UBASH3B: variants seen among roughly 807,000 people sequenced by gnomAD.
UBASH3B encodes the protein ubiquitin-associated and SH3 domain-containing protein B.
UBASH3B carries 37 observed loss-of-function variants against 83.4 expected under a neutral mutation model. That is an observed-to-expected ratio of 0.44 (90% confidence interval 0.34 to 0.58). UBASH3B has a LOEUF of 0.58. UBASH3B is among the 20% of genes least tolerant of loss of function. The probability of loss-of-function intolerance (pLI) is 0.01; values close to 1 mark genes in which losing one functional copy is unlikely to be tolerated. For synonymous variants in UBASH3B, 304 were observed against 318.3 expected (o/e 0.96, Z 0.48); for missense variants, 657 against 827.2 (o/e 0.79, Z 2.52).
At chr11:122,784,212 G>A (rs1389025972) in intron 5 of UBASH3B, among the ~76,000 whole-genome samples, 2 of 152,154 alleles carry the variant, frequency 1.3e-5, no homozygotes, top group African/African-American at 2.4e-5. Flanking sequence ...GGGATTACAA[G>A]CGTGAGCCGC....
In UBASH3B at chr11:122,665,622, C is replaced by A. The variant is rs148168656; in HGVS notation, c.161+9412C>A. 4.7e-3 allele frequency among the ~76,000 whole-genome samples: 720 copies of A among 152,296 alleles called. 8 individuals are homozygous for A. The highest frequency in any genetic ancestry group is 0.016 in the African/African-American group (678 of 41,566). On this transcript the variant is annotated intron_variant, in intron 1 of 13. Coordinates refer to ENST00000284273, the MANE Select transcript of UBASH3B (RefSeq NM_032873.5). ...TTTCACAGTGCTTTATGGTCAAATT[C>A]TTCTCCTCTCCCTTTAAAGAAAACT... is the stretch of plus-strand genomic sequence containing the variant.
chr11:122,689,719 G>T (rs1002229171), intron 1 of UBASH3B, among the ~76,000 whole-genome samples: 1 of 152,164 alleles, frequency 6.6e-6, no homozygotes, highest in Non-Finnish European at 1.5e-5. Flanking sequence ...CCAGTTGCAA[G>T]TCCAGGCTTC....
At chr11:122,656,390 C>G (rs1351115446) in intron 1 of UBASH3B, among the ~76,000 whole-genome samples, 180 bp downstream of exon 1, 1 of 151,982 alleles carries the variant, frequency 6.6e-6, no homozygotes, top group African/African-American at 2.4e-5. Flanking sequence ...GGCGGGGGTG[C>G]GGGGGAAGAC....
intron 5 of UBASH3B, among the ~76,000 whole-genome samples, chr11:122,784,043 C>T (rs1004119672): frequency 1.3e-5 from 2 of 151,648 alleles, no homozygotes; most frequent in Non-Finnish European, 2.9e-5. Flanking sequence ...GGGGTTCAAG[C>T]GATTCTCCTG....
At chr11:122,802,312 TG>T (rs1249707789) in intron 11 of UBASH3B, among the ~76,000 whole-genome samples, 1 of 79,582 alleles carries the variant, frequency 1.3e-5, no homozygotes, top group Non-Finnish European at 2.2e-5. Flanking sequence ...AGACTCTGTC[TG>T]AAAAAAAAAA....
chr11:122,712,617 C>T (rs1020513215), intron 1 of UBASH3B, among the ~76,000 whole-genome samples: 9 of 152,044 alleles, frequency 5.9e-5, no homozygotes, highest in Non-Finnish European at 1.0e-4. Flanking sequence ...GGAATTTCTA[C>T]CCCAGAAAGT....
intron 5 of UBASH3B, 57 bp from the exon 6 acceptor site, chr11:122,789,043 A>G (rs1861004572): frequency 2.0e-6 from 3 of 1,512,992 alleles, no homozygotes; most frequent in Non-Finnish European, 2.7e-6. Context: ...CCTGCCCTCA[A>G]GGCGCTCAGG....
chr11:122,704,203 C>T (rs747672876), intron 1 of UBASH3B, among the ~76,000 whole-genome samples: 8 of 152,206 alleles, frequency 5.3e-5, no homozygotes, highest in Admixed American at 1.3e-4. Flanking sequence ...GCCAGTTGAA[C>T]AGTCTAACTT....
rs1024694719 is a variant in UBASH3B at position 122,696,517 on chromosome 11, G to T, written c.161+40307G>T. Among the ~76,000 whole-genome samples, 8 of 152,016 alleles carry T rather than the reference G, an allele frequency of 5.3e-5. No homozygotes were observed. In the East Asian group the frequency reaches 1.4e-3, roughly 26 times the overall value. On this transcript the variant is annotated intron_variant, in intron 1 of 13. Coordinates refer to ENST00000284273, the MANE Select transcript of UBASH3B (RefSeq NM_032873.5). Reference sequence around the variant, plus strand: ...GTCGAGACAGGGTTTCACCATGTTGGCTAGGCTGGTCTCAAATGCCTGACC... The same window carrying T: ...GTCGAGACAGGGTTTCACCATGTTGTCTAGGCTGGTCTCAAATGCCTGACC...
At chr11:122,709,317 G>A (rs969150213) in intron 1 of UBASH3B, 7 of 152,228 alleles carry the variant, frequency 4.6e-5, no homozygotes, top group African/African-American at 7.2e-5. Flanking sequence ...TCATGTCTAC[G>A]TTGTAAAAGA....
chr11:122,721,200 G>A (rs140000818), intron 1 of UBASH3B, among the ~76,000 whole-genome samples: 2,211 of 144,228 alleles, frequency 0.015, 61 homozygotes, highest in African/African-American at 0.053. Context: ...AGCCAAGATC[G>A]CGGCACTGCA....
At chr11:122,668,898 G>C (rs989545601) in intron 1 of UBASH3B, among the ~76,000 whole-genome samples, 7 of 152,152 alleles carry the variant, frequency 4.6e-5, no homozygotes, top group Non-Finnish European at 1.0e-4. Flanking sequence ...CACTGTTTCA[G>C]AGAGGCTAAT....
At chr11:122,665,467 T>G (rs1055812916) in intron 1 of UBASH3B, among the ~76,000 whole-genome samples, 1 of 152,182 alleles carries the variant, frequency 6.6e-6, no homozygotes, top group African/African-American at 2.4e-5. Flanking sequence ...GTGCTGGGAT[T>G]ACAGGCATGA....
At chr11:122,742,953 T>C (rs1476272273) in intron 1 of UBASH3B, among the ~76,000 whole-genome samples, 1 of 152,158 alleles carries the variant, frequency 6.6e-6, no homozygotes, top group East Asian at 1.9e-4. Context: ...GTTTTTTGTG[T>C]GTGTGGTGTG....
chr11:122,785,606 C>T (rs1010158932), intron 5 of UBASH3B, among the ~76,000 whole-genome samples: 3 of 152,168 alleles, frequency 2.0e-5, no homozygotes, highest in Admixed American at 6.6e-5. Flanking sequence ...ATATACCAAC[C>T]GATAGAAATC....
chr11:122,777,956 T>C lies in UBASH3B; in HGVS notation c.402+746T>C, dbSNP rs180732460. The stretch of plus-strand genomic sequence containing the variant: ...TGTTGGCCAGGCTGGTCTTGAACTC[T>C]TCACCTCAAGTGATCCGCCCACCTC... On this transcript the variant is annotated intron_variant, in intron 3 of 13. Transcript: ENST00000284273. Among the ~76,000 whole-genome samples, 27 of 152,126 alleles carry C rather than the reference T, an allele frequency of 1.8e-4. No individual in the cohort carries two copies. In the East Asian group the frequency reaches 3.1e-3, roughly 18 times the overall value.
At chr11:122,664,963 C>T (rs1336769962) in intron 1 of UBASH3B, among the ~76,000 whole-genome samples, 3 of 152,204 alleles carry the variant, frequency 2.0e-5, no homozygotes, top group African/African-American at 4.8e-5. Context: ...GGCTGGAGTG[C>T]GGTGGCGCAA....
chr11:122,748,575 A>G (rs566597780), intron 1 of UBASH3B, among the ~76,000 whole-genome samples: 2 of 152,290 alleles, frequency 1.3e-5, no homozygotes, highest in African/African-American at 4.8e-5. Context: ...CGTTTATGCA[A>G]TTTATTACTA....
intron 13 of UBASH3B, among the ~76,000 whole-genome samples, chr11:122,808,774 C>T (rs1316881685): frequency 2.0e-5 from 3 of 152,194 alleles, no homozygotes; most frequent in Non-Finnish European, 2.9e-5. Flanking sequence ...CTGGTTCAAA[C>T]TCAATTGCAA....
Sources: allele counts gnomAD v4.1 joint callset (sites outside exome capture counted in the v4.1 genomes callset), GRCh38; gene constraint gnomAD v4.1.1; transcripts MANE v1.5; gene names NCBI Gene and HGNC (gene_info 2026-07-23, HGNC 2026-07-21).